The following SIPA1L3 variants were observed in gnomAD, a reference collection of about 807,000 sequenced individuals.
The protein encoded by SIPA1L3 is signal-induced proliferation-associated 1-like protein 3.
A neutral mutation model predicts 150.1 loss-of-function variants in SIPA1L3; 59 were observed. The ratio of observed to expected loss-of-function variants is 0.39; its 90% CI spans 0.32 to 0.49. The LOEUF (loss-of-function observed/expected upper bound fraction) is 0.49, where lower values mean the gene tolerates loss of function less well. Ranked by LOEUF, SIPA1L3 falls within the 20% of genes least tolerant of loss-of-function variation. The probability of loss-of-function intolerance (pLI) is 0.86; values close to 1 mark genes in which losing one functional copy is unlikely to be tolerated. For synonymous variants in SIPA1L3, 1,070 were observed against 1,077.6 expected (o/e 0.99, Z 0.14); for missense variants, 2,211 against 2,489.5 (o/e 0.89, Z 2.38).
chr19:38,169,284 G>A (rs888392521), intron 15 of SIPA1L3, among the ~76,000 whole-genome samples: 9 of 152,202 alleles, frequency 5.9e-5, no homozygotes, highest in African/African-American at 2.2e-4. Flanking sequence ...AGCTATTCTG[G>A]AGGCTGAGGC....
At chr19:38,043,381 A>T (rs1202431200) in intron 2 of SIPA1L3, among the ~76,000 whole-genome samples, 1 of 152,188 alleles carries the variant, frequency 6.6e-6, no homozygotes, top group Non-Finnish European at 1.5e-5. Flanking sequence ...AGAAAGAAAG[A>T]AATAGAGAAA....
At chr19:38,152,730 C>T in intron 12 of SIPA1L3, 110 bp from the exon 13 acceptor site, 3 of 1,186,906 alleles carry the variant, frequency 2.5e-6, no homozygotes, top group East Asian at 2.6e-5. Flanking sequence ...CACAGCGGAG[C>T]CTCCCGTGTG....
chr19:38,119,939 C>T (rs1162148504), intron 9 of SIPA1L3, 57 bp downstream of exon 9: 2 of 1,264,924 alleles, frequency 1.6e-6, no homozygotes, highest in Non-Finnish European at 2.2e-6. Flanking sequence ...GCCTCAGGAA[C>T]CACTGAAATA....
chr19:37,924,677 C>CAA (rs762052136), intron 1 of SIPA1L3, among the ~76,000 whole-genome samples: 281 of 100,612 alleles, frequency 2.8e-3, no homozygotes, highest in African/African-American at 9.7e-3. Context: ...GACTCTATCT[C>CAA]AAAAAAAAAA....
chr19:37,996,122 C>T (rs1305198004), intron 1 of SIPA1L3, among the ~76,000 whole-genome samples: 1 of 151,982 alleles, frequency 6.6e-6, no homozygotes, highest in Non-Finnish European at 1.5e-5. Flanking sequence ...GAGATGGGGT[C>T]TCACTACATT....
chr19:37,999,892 G>A (rs1162407595), intron 1 of SIPA1L3, among the ~76,000 whole-genome samples: 1 of 152,118 alleles, frequency 6.6e-6, no homozygotes, highest in East Asian at 1.9e-4. Context: ...TGAACAGTGT[G>A]GACCAGGGGA....
rs1342600120 is a variant in SIPA1L3 at position 38,139,787 on chromosome 19, G to A, written c.3144-1397G>A. On this transcript the variant is annotated intron_variant, in intron 10 of 21. Coordinates refer to ENST00000222345, the MANE Select transcript of SIPA1L3 (RefSeq NM_015073.3). ...GTGGGGGCTGCAGGTTCAAGATCCA[G>A]GCACTGGCAGGATAGGGCCTGGTCT... Among the ~76,000 whole-genome samples the A allele has an allele frequency of 3.3e-5, 5 of 152,158 alleles. No individual in the cohort carries two copies. The East Asian group carries it at 7.7e-4, about 23-fold the overall frequency.
chr19:38,201,838 C>G, intron 19 of SIPA1L3, 24 bp from the exon 20 acceptor site: 40 of 1,575,130 alleles, frequency 2.5e-5, no homozygotes, highest in Non-Finnish European at 3.4e-5. Context: ...GCTGACCCCT[C>G]TCCTCCTCCT....
At chr19:37,992,769 GTT>G (rs1967542979) in intron 1 of SIPA1L3, among the ~76,000 whole-genome samples, 1 of 152,156 alleles carries the variant, frequency 6.6e-6, no homozygotes, top group African/African-American at 2.4e-5. Context: ...TTGTGGGCCT[GTT>G]TTCCTCCTTT....
At chr19:37,994,461 G>A (rs1018377729) in intron 1 of SIPA1L3, among the ~76,000 whole-genome samples, 3 of 152,136 alleles carry the variant, frequency 2.0e-5, no homozygotes, top group Non-Finnish European at 4.4e-5. Flanking sequence ...GCTCCCTCAG[G>A]AGGTTGCTGA....
chr19:38,196,979 A>G (rs1206256884), intron 18 of SIPA1L3, among the ~76,000 whole-genome samples: 1 of 152,170 alleles, frequency 6.6e-6, no homozygotes, highest in Non-Finnish European at 1.5e-5. Flanking sequence ...AAAGAATCAA[A>G]CAAGTGAATA....
chr19:38,131,735 C>G (rs112282280), intron 10 of SIPA1L3: 1 of 46,884 alleles, frequency 2.1e-5, no homozygotes, highest in Non-Finnish European at 3.8e-5. Context: ...CGGGTTCAAG[C>G]GATTCTCCTG....
At chr19:38,120,444 C>G (rs895608946) in intron 9 of SIPA1L3, among the ~76,000 whole-genome samples, 5 of 152,008 alleles carry the variant, frequency 3.3e-5, no homozygotes. Flanking sequence ...TGCACTTCAG[C>G]CTGGGCAACA....
intron 20 of SIPA1L3, chr19:38,203,878 G>T: frequency 3.8e-6 from 2 of 523,220 alleles, no homozygotes; most frequent in Non-Finnish European, 6.9e-6. Flanking sequence ...GCACACTTAA[G>T]GGTGGGCAGC....
At chr19:38,076,760 G>A (rs1047259653) in intron 2 of SIPA1L3, among the ~76,000 whole-genome samples, 5 of 152,124 alleles carry the variant, frequency 3.3e-5, no homozygotes, top group Admixed American at 2.0e-4. Context: ...GCAGTTGCCC[G>A]CCATTTCCAG....
chr19:38,110,184 G>A (rs199856683), intron 7 of SIPA1L3, 43 bp from the exon 8 acceptor site: 52 of 1,601,284 alleles, frequency 3.2e-5, no homozygotes, highest in Middle Eastern at 3.3e-4. Context: ...CCGTCAGGCC[G>A]ACCTGTGACA....
chr19:37,933,616 G>A (rs549547099), intron 1 of SIPA1L3, among the ~76,000 whole-genome samples: 4 of 152,170 alleles, frequency 2.6e-5, no homozygotes, highest in African/African-American at 4.8e-5. Flanking sequence ...GGCCAGCCCC[G>A]TTTGGGGTTT....
At chr19:38,033,671 G>T (rs1034153519) in intron 2 of SIPA1L3, among the ~76,000 whole-genome samples, 2 of 13,442 alleles carry the variant, frequency 1.5e-4, no homozygotes, top group African/African-American at 3.0e-4. Context: ...AGAGAGATAC[G>T]TATGTGTGTG....
chr19:38,051,151 C>T (rs1969189297), intron 2 of SIPA1L3, among the ~76,000 whole-genome samples: 1 of 152,148 alleles, frequency 6.6e-6, no homozygotes, highest in Non-Finnish European at 1.5e-5. Context: ...CTACATTTAC[C>T]AGAGTTTTCT....
Sources: gnomAD v4.1 joint callset for allele counts (sites outside exome capture counted in the v4.1 genomes callset) on GRCh38, gnomAD v4.1.1 for gene constraint, MANE v1.5 for transcripts, NCBI Gene and HGNC (gene_info 2026-07-23, HGNC 2026-07-21) for gene names.